The following COTL1 variants were observed in gnomAD, a reference collection of about 807,000 sequenced individuals.
COTL1 encodes coactosin-like protein.
In COTL1, 15 loss-of-function variants were observed where a neutral mutation model predicts 16.5. That is an observed-to-expected ratio of 0.91 (90% CI 0.61 to 1.40). The LOEUF is 1.40. Among genes scored for constraint, COTL1 ranks in the 40% most tolerant of loss-of-function variants. The pLI, the probability that COTL1 is intolerant of heterozygous loss-of-function variation, is 0.00. For missense variants in COTL1, 220 were observed against 201.5 expected (o/e 1.09, Z -0.56); for synonymous variants, 112 against 85.3 (o/e 1.31, Z -1.73).
At chr16:84,578,918 TACAC>T (rs1904514446) in intron 3 of COTL1, among the ~76,000 whole-genome samples, 2 of 115,426 alleles carry the variant, frequency 1.7e-5, no homozygotes, top group South Asian at 4.5e-4. Context: ...CATGCATGCA[TACAC>T]ACAGATACAT....
At chr16:84,573,983 T>C (rs2150680853) in intron 3 of COTL1, among the ~76,000 whole-genome samples, 1 of 152,174 alleles carries the variant, frequency 6.6e-6, no homozygotes, top group East Asian at 1.9e-4. Context: ...AGTGGGACCC[T>C]TTCTCTACAA....
intron 3 of COTL1, among the ~76,000 whole-genome samples, chr16:84,585,226 C>G (rs1260524646): frequency 6.6e-6 from 1 of 151,966 alleles, no homozygotes; most frequent in Non-Finnish European, 1.5e-5. Context: ...TGGTGACACA[C>G]ACCTGTAATC....
chr16:84,614,601 G>A (rs1274505922), intron 2 of COTL1, among the ~76,000 whole-genome samples: 2 of 152,114 alleles, frequency 1.3e-5, no homozygotes, highest in Non-Finnish European at 2.9e-5. Flanking sequence ...GAGAAGAGCA[G>A]GACCCCAGGA....
intron 2 of COTL1, among the ~76,000 whole-genome samples, chr16:84,600,935 A>C (rs954322525): frequency 6.6e-6 from 1 of 152,208 alleles, no homozygotes. Context: ...AAGCACTAGC[A>C]CTTTCTTTCA....
At chr16:84,604,823 G>A (rs1047773992) in intron 2 of COTL1, among the ~76,000 whole-genome samples, 28 of 152,200 alleles carry the variant, frequency 1.8e-4, no homozygotes, top group Admixed American at 1.6e-3. Context: ...CCCCTGGCCC[G>A]CCTGAAGCAG....
chr16:84,566,645 T>G lies in COTL1; in HGVS notation c.*200A>C. On this transcript the variant is annotated 3_prime_UTR_variant, in exon 4 of 4. Transcript: ENST00000262428. ...AAGAAGATCAAAGAAAGAGGTTCCA[T>G]GAGCGTCATGAGATAGGACACGGCA... is the stretch of plus-strand genomic sequence containing the variant. 1 of 499,456 alleles carries G rather than the reference T, an allele frequency of 2.0e-6. No homozygotes were observed. Among genetic ancestry groups the G allele is most frequent in the East Asian group, 3.3e-5 (1 of 30,616 alleles). 30.9% of individuals were successfully genotyped at this position (499,456 alleles called of 1,614,324 possible).
chr16:84,617,689 G>T (rs558679610), intron 1 of COTL1, 106 bp from the exon 2 acceptor site: 2 of 1,380,306 alleles, frequency 1.4e-6, no homozygotes, highest in Non-Finnish European at 2.0e-6. Context: ...CCACGGAGAA[G>T]CCCGCGGGGG....
rs759023438 is a variant in COTL1 at position 84,590,158 on chromosome 16, G to A, written c.265C>T (p.Leu89=). 2 of 1,614,154 alleles carry A rather than the reference G, an allele frequency of 1.2e-6. No individual in the cohort carries two copies. Among genetic ancestry groups the A allele is most frequent in the Non-Finnish European group, 1.7e-6 (2 of 1,179,994 alleles). ...ITWIGENVSG[L]QRAKTGTDKT... Reference sequence around the variant, plus strand: ...TCCGTCCCGGTTTTGGCGCGCTGCAGCCCGCTGACGTTCTCACCGATCCAC... The same window carrying A: ...TCCGTCCCGGTTTTGGCGCGCTGCAACCCGCTGACGTTCTCACCGATCCAC... Residue 89 remains leucine, a synonymous_variant, in exon 3 of 4, where the codon CTG becomes TTG. Transcript: ENST00000262428. This position sits in a 1 kb window ranked among gnomAD's most constrained non-coding sequence, Gnocchi z 5.5.
At chr16:84,604,183 C>T (rs1905162361) in intron 2 of COTL1, among the ~76,000 whole-genome samples, 1 of 113,984 alleles carries the variant, frequency 8.8e-6, no homozygotes, top group South Asian at 3.2e-4. Context: ...CCCCTACTCC[C>T]CAACCCCTGC....
chr16:84,581,978 C>CTTTTTTTT (rs11332563), intron 3 of COTL1, among the ~76,000 whole-genome samples: 43 of 66,016 alleles, frequency 6.5e-4, no homozygotes, highest in Non-Finnish European at 9.1e-4. Context: ...TACATTTCTT[C>CTTTTTTTT]TTTTTTTTTT....
intron 3 of COTL1, among the ~76,000 whole-genome samples, chr16:84,578,401 A>G (rs1331247703): frequency 1.3e-5 from 2 of 152,212 alleles, no homozygotes; most frequent in African/African-American, 2.4e-5. Context: ...TCTACGTAAC[A>G]CTTCATATAC....
chr16:84,617,432 G>T, intron 2 of COTL1, 69 bp downstream of exon 2: 2 of 1,451,032 alleles, frequency 1.4e-6, no homozygotes, highest in Non-Finnish European at 9.4e-7. Flanking sequence ...GTTCGCTCTG[G>T]CCGGGGCTCC....
chr16:84,589,172 C>T (rs1378269767), intron 3 of COTL1, among the ~76,000 whole-genome samples: 1 of 151,422 alleles, frequency 6.6e-6, no homozygotes, highest in African/African-American at 2.4e-5. Context: ...GATGGGGTCT[C>T]ACTATGTTGC....
intron 2 of COTL1, among the ~76,000 whole-genome samples, chr16:84,593,790 C>T (rs550907926): frequency 2.6e-5 from 4 of 152,296 alleles, no homozygotes; most frequent in African/African-American, 7.2e-5. Context: ...TGAGCCACCG[C>T]GCCCGGCCAT....
intron 2 of COTL1, among the ~76,000 whole-genome samples, chr16:84,605,521 T>G (rs975960522): frequency 2.0e-5 from 3 of 152,198 alleles, no homozygotes; most frequent in African/African-American, 4.8e-5. Context: ...GAGATTCTCC[T>G]GGGTTATCTG....
chr16:84,609,394 C>A (rs1163705928), intron 2 of COTL1, among the ~76,000 whole-genome samples: 3 of 150,724 alleles, frequency 2.0e-5, no homozygotes, highest in African/African-American at 7.5e-5. Context: ...TAAGGCCAGT[C>A]AGTCTTCCTG....
rs527244803 is a variant in COTL1 at position 84,573,835 on chromosome 16, T to C, written c.319-6880A>G. ...CCGAAGATCTCTGCGTTTTACTCTA[T>C]GTAAATTGTGTTTCAGCTGAACAAA... On this transcript the variant is annotated intron_variant, in intron 3 of 3. Coordinates refer to ENST00000262428, the MANE Select transcript of COTL1 (RefSeq NM_021149.5). Among the ~76,000 whole-genome samples, 11 of 152,004 alleles carry C rather than the reference T, an allele frequency of 7.2e-5. No homozygotes were observed. In the South Asian group the frequency reaches 8.3e-4, roughly 11 times the overall value.
chr16:84,600,799 A>C (rs756267869), intron 2 of COTL1, among the ~76,000 whole-genome samples: 9 of 152,218 alleles, frequency 5.9e-5, no homozygotes, highest in African/African-American at 2.2e-4. Flanking sequence ...GACAGAGAAC[A>C]TAAGAAAATG....
intron 3 of COTL1, chr16:84,576,183 G>A (rs894799784): frequency 6.6e-6 from 1 of 152,256 alleles, no homozygotes; most frequent in African/African-American, 2.4e-5. Flanking sequence ...CCAGGCCCAG[G>A]GTTAGCTTCA....
Sources: gnomAD v4.1 joint callset for allele counts (sites outside exome capture counted in the v4.1 genomes callset) on GRCh38, gnomAD v4.1.1 for gene constraint, Gnocchi (gnomAD v3.1) non-coding constraint, MANE v1.5 for transcripts, NCBI Gene and HGNC (gene_info 2026-07-23, HGNC 2026-07-21) for gene names.